The following CUTC variants were observed in gnomAD, a reference collection of about 807,000 sequenced individuals.
The protein encoded by CUTC is copper homeostasis protein cutC homolog.
CUTC carries 27 observed loss-of-function variants against 36.2 expected under a neutral mutation model. The observed-to-expected ratio is 0.75, with a 90% CI of 0.55 to 1.03. CUTC has a LOEUF of 1.03. Among genes scored for constraint, CUTC ranks in the 50% least tolerant of loss-of-function variants. The pLI is 0.00. For synonymous variants in CUTC, 114 were observed against 118.3 expected (o/e 0.96, Z 0.24); for missense variants, 315 against 343.5 (o/e 0.92, Z 0.66).
intron 2 of CUTC, among the ~76,000 whole-genome samples, chr10:99,736,943 T>G (rs1484256265): frequency 6.6e-6 from 1 of 152,200 alleles, no homozygotes; most frequent in East Asian, 1.9e-4. Context: ...ACATTTGATC[T>G]TTATCACTTA....
intron 2 of CUTC, among the ~76,000 whole-genome samples, chr10:99,736,967 T>A (rs61870399): frequency 0.96 from 146,625 of 152,092 alleles, 70,894 homozygotes; most frequent in East Asian, 1. Context: ...TATTTTTAAA[T>A]CTTTTGAAAA....
At chr10:99,754,285 C>T (rs1778214223) in intron 7 of CUTC, among the ~76,000 whole-genome samples, 1 of 152,098 alleles carries the variant, frequency 6.6e-6, no homozygotes, top group African/African-American at 2.4e-5. Flanking sequence ...TTATATTAGC[C>T]AATGGACAGA....
At chr10:99,732,729 G>A in intron 1 of CUTC, 5 of 562,420 alleles carry the variant, frequency 8.9e-6, no homozygotes, top group Non-Finnish European at 1.1e-5. Flanking sequence ...AGTACCGCCC[G>A]CACCAGCAGC....
Position 99,747,337 on chromosome 10 carries a change from T to A in CUTC, c.520T>A (p.Cys174Ser). 1 of 1,614,214 alleles carries A rather than the reference T, an allele frequency of 6.2e-7. No individual in the cohort carries two copies. The highest frequency in any genetic ancestry group is 2.2e-5 in the East Asian group (1 of 44,882). Reference sequence around the variant, plus strand: ...ATTTGAACGCGTGTTGACCAGTGGATGTGACAGTTCAGCATTAGAAGGGCT... The same window carrying A: ...ATTTGAACGCGTGTTGACCAGTGGAAGTGACAGTTCAGCATTAGAAGGGCT... Reference protein sequence around the residue: ...LGFERVLTSGCDSSALEGLPL... With the variant: ...LGFERVLTSGSDSSALEGLPL... Residue 174 changes from cysteine to serine, a missense_variant, in exon 6 of 9, where the codon TGT becomes AGT. Cys to Ser is a moderately radical substitution (Grantham distance 112). Coordinates refer to ENST00000370476, the MANE Select transcript of CUTC (RefSeq NM_015960.3).
At chr10:99,742,335 T>C (rs1389674634) in intron 3 of CUTC, among the ~76,000 whole-genome samples, 1 of 152,138 alleles carries the variant, frequency 6.6e-6, no homozygotes, top group African/African-American at 2.4e-5. Flanking sequence ...GATAATAGCA[T>C]TATTTAATGT....
At chr10:99,749,486 A>G (rs2037401470) in intron 6 of CUTC, among the ~76,000 whole-genome samples, 1 of 152,306 alleles carries the variant, frequency 6.6e-6, no homozygotes, top group East Asian at 1.9e-4. Context: ...ATACTTCTAA[A>G]TAATCTTGTA....
chr10:99,754,668 A>G (rs2037442201), intron 8 of CUTC, 34 bp downstream of exon 8: 2 of 1,476,742 alleles, frequency 1.4e-6, no homozygotes, highest in African/African-American at 2.8e-5. Context: ...AATAAGAAGG[A>G]TGAGATTAAT....
chr10:99,741,330 G>A (rs1397577820), intron 3 of CUTC, among the ~76,000 whole-genome samples: 1 of 152,108 alleles, frequency 6.6e-6, no homozygotes, highest in Non-Finnish European at 1.5e-5. Context: ...TCTGGCTGGT[G>A]GAATAGGCAT....
rs1034981256 is a variant in CUTC at position 99,754,571 on chromosome 10, G to A, written c.644G>A (p.Gly215Asp). Residue 215 changes from glycine to aspartate, a missense_variant, in exon 8 of 9, where the codon GGT (glycine) becomes GAT (aspartate). Transcript: ENST00000370476. ...AGAAATCTACAAAGGATCCTTGAGG[G>A]TTCAGGTGCTACAGAATTCCACTGT... is the stretch of plus-strand genomic sequence containing the variant. Reference protein sequence around the residue: ...TDRNLQRILEGSGATEFHCSA... With the variant: ...TDRNLQRILEDSGATEFHCSA... 2 of 1,613,804 alleles carry A rather than the reference G, an allele frequency of 1.2e-6. No individual in the cohort carries two copies. The highest frequency in any genetic ancestry group is 1.7e-6 in the Non-Finnish European group (2 of 1,179,806).
intron 8 of CUTC, 103 bp downstream of exon 8, chr10:99,754,737 T>C: frequency 2.7e-6 from 2 of 745,986 alleles, no homozygotes; most frequent in Admixed American, 4.5e-5. Context: ...CAATGGAATA[T>C]TGTGACTACT....
At chr10:99,732,604 G>A in intron 1 of CUTC, 195 bp downstream of exon 1, 1 of 1,431,144 alleles carries the variant, frequency 7.0e-7, no homozygotes, top group Non-Finnish European at 9.1e-7. Flanking sequence ...AGCGAGAATG[G>A]CTCAGCTGTG....
At chr10:99,749,004 G>A (rs1247011802) in intron 6 of CUTC, among the ~76,000 whole-genome samples, 1 of 152,144 alleles carries the variant, frequency 6.6e-6, no homozygotes, top group Non-Finnish European at 1.5e-5. Flanking sequence ...TGATGAGTCA[G>A]GTTTCCAGTT....
chr10:99,732,597 G>A, intron 1 of CUTC, 188 bp downstream of exon 1: 1 of 1,435,172 alleles, frequency 7.0e-7, no homozygotes, highest in Non-Finnish European at 9.1e-7. Flanking sequence ...GGCAGGTAGC[G>A]AGAATGGCTC....
intron 5 of CUTC, among the ~76,000 whole-genome samples, chr10:99,744,382 A>C (rs2037363434): frequency 6.6e-6 from 1 of 152,218 alleles, no homozygotes; most frequent in Non-Finnish European, 1.5e-5. Flanking sequence ...CCTGAGACTC[A>C]TTTTAACTGA....
intron 4 of CUTC, 34 bp downstream of exon 4, chr10:99,743,396 A>T (rs761211302): frequency 6.4e-7 from 1 of 1,570,110 alleles, no homozygotes; most frequent in Non-Finnish European, 8.8e-7. Flanking sequence ...AAAAGCCTCT[A>T]ATGATAATTG....
intron 7 of CUTC, 45 bp downstream of exon 7, chr10:99,750,441 G>A: frequency 6.6e-7 from 1 of 1,504,210 alleles, no homozygotes; most frequent in Middle Eastern, 1.8e-4. Context: ...CTGAACTATA[G>A]TGGAGGAAGA....
At chr10:99,739,629 GAA>G (rs963767157) in intron 2 of CUTC, 79 bp from the exon 3 acceptor site, 1 of 1,299,616 alleles carries the variant, frequency 7.7e-7, no homozygotes, top group Non-Finnish European at 1.1e-6. Context: ...TCTATATTTG[GAA>G]AAAATATATA....
In CUTC at chr10:99,750,377, C is replaced by A; in HGVS notation, c.582C>A (p.Gly194=). Residue 194 remains glycine, a synonymous_variant, in exon 7 of 9, where the codon GGC becomes GGA. Transcript: ENST00000370476. ...TTTTTTTCTTTTTTCAGGCAAAAGG[C>A]AGGATTGTGGTAATGCCAGGTATTT... ...LIKRLIEQAK[G]RIVVMPGGGI... The A allele has an allele frequency of 1.9e-6, 3 of 1,586,602 alleles. No homozygotes were observed. The highest frequency in any genetic ancestry group is 2.6e-6 in the Non-Finnish European group (3 of 1,171,014).
At chr10:99,740,810 G>A (rs2037335798) in intron 3 of CUTC, among the ~76,000 whole-genome samples, 1 of 152,096 alleles carries the variant, frequency 6.6e-6, no homozygotes, top group Non-Finnish European at 1.5e-5. Flanking sequence ...ATTTTGCATA[G>A]TTGCTATTGT....
Sources: gnomAD v4.1 joint callset for allele counts (sites outside exome capture counted in the v4.1 genomes callset) on GRCh38, gnomAD v4.1.1 for gene constraint, MANE v1.5 for transcripts, NCBI Gene and HGNC (gene_info 2026-07-23, HGNC 2026-07-21) for gene names.